Variants in KNL1 observed in about 807,000 individuals in gnomAD.
KNL1 encodes kinetochore scaffold 1, also known as outer kinetochore KNL1 complex subunit KNL1.
Under a neutral mutation model 201.3 loss-of-function variants are expected in KNL1, and 66 were observed. That is an observed-to-expected ratio of 0.33 (90% CI 0.27 to 0.40). The LOEUF (loss-of-function observed/expected upper bound fraction) is 0.40, where lower values mean the gene tolerates loss of function less well. Ranked by LOEUF, KNL1 falls within the 10% of genes least tolerant of loss-of-function variation. The pLI, the probability that KNL1 is intolerant of heterozygous loss-of-function variation, is 1.00. For missense variants in KNL1, 2,815 were observed against 2,690.5 expected, an observed-to-expected ratio of 1.05 and a Z score of -1.02; for synonymous variants, 895 against 899.2, an observed-to-expected ratio of 1.00 and a Z score of 0.08.
chr15:40,614,838 G>A (rs1370373817), intron 7 of KNL1, among the ~76,000 whole-genome samples: 1 of 152,112 alleles, frequency 6.6e-6, no homozygotes, highest in African/African-American at 2.4e-5. Context: ...TTTTAGAAAA[G>A]GAATTGCTTT....
Position 40,619,240 on chromosome 15 carries a change from G to A in KNL1, c.375+229G>A, listed in dbSNP as rs552039847. The stretch of plus-strand genomic sequence containing the variant: ...ACCTCTCAAAGTTTAAAGAGCACAT[G>A]AGTCTTTATTTCTATTTCCTTAGTG... On this transcript the variant is annotated intron_variant, in intron 9 of 25. Transcript: ENST00000399668. Among the ~76,000 whole-genome samples, 4 of 152,088 alleles carry A rather than the reference G, an allele frequency of 2.6e-5. No individual in the cohort carries two copies. In the South Asian group the frequency reaches 8.3e-4, roughly 32 times the overall value.
rs573778696 is a variant in KNL1, at chr15:40,621,169, A to C, written c.905A>C (p.Asn302Thr). 5.6e-6 allele frequency: 9 copies of C among 1,613,124 alleles called. No homozygotes were observed. Among genetic ancestry groups the C allele is most frequent in the Non-Finnish European group, 7.6e-6 (9 of 1,179,550 alleles). ...QTLIPTSSET[N>T]SRESKGNDIT... ...TTGATTCCCACATCCAGTGAGACCA[A>C]CTCACGGGAATCTAAAGGTAATGAT... The change falls in exon 10 of 26, where the codon AAC becomes ACC. Residue 302 changes from asparagine to threonine, a missense_variant. Transcript: ENST00000399668.
At chr15:40,609,454 C>A (rs1477067232) in intron 5 of KNL1, among the ~76,000 whole-genome samples, 3 of 151,890 alleles carry the variant, frequency 2.0e-5, no homozygotes, top group Non-Finnish European at 4.4e-5. Flanking sequence ...GTGAGTGATA[C>A]CTAATATTAG....
intron 10 of KNL1, 101 bp from the exon 11 acceptor site, chr15:40,627,969 A>G (rs1892801213): frequency 8.0e-6 from 6 of 752,682 alleles, no homozygotes; most frequent in African/African-American, 1.8e-5. Context: ...CATATGAATT[A>G]TAGATTAATT....
Position 40,622,525 on chromosome 15 carries a change from T to G in KNL1, c.2261T>G (p.Ile754Arg). 6.2e-7 allele frequency: 1 copy of G among 1,614,008 alleles called. No homozygotes were observed. The highest frequency in any genetic ancestry group is 1.1e-5 in the South Asian group (1 of 91,072). The change falls in exon 10 of 26, where the codon ATA becomes AGA. Residue 754 changes from isoleucine to arginine, a missense_variant. By Grantham distance (97) the Ile-to-Arg change is moderately conservative. Coordinates refer to ENST00000399668, the MANE Select transcript of KNL1 (RefSeq NM_144508.5). The stretch of plus-strand genomic sequence containing the variant: ...GACTATTGCCATGACAAGATGATTA[T>G]ATGTTCAGAGGAAGAGCAAAATATG... Reference protein sequence around the residue: ...TPDYCHDKMIICSEEEQNMDL... With the variant: ...TPDYCHDKMIRCSEEEQNMDL...
rs1432202564 is a variant in KNL1 at position 40,629,289 on chromosome 15, G to T, written c.5600G>T (p.Arg1867Ile). 3.2e-6 allele frequency: 5 copies of T among 1,584,246 alleles called. No individual in the cohort carries two copies. The African/African-American group carries it at 5.5e-5, about 17-fold the overall frequency. The change falls in exon 13 of 26, where the codon AGA (arginine) becomes ATA (isoleucine). Residue 1867 changes from arginine (R) to isoleucine (I), a missense_variant. Transcript: ENST00000399668. ...TTTTCTCAGAAACTCCAAGATGGGA[G>T]AATAACAATAAGGGAGTTCTTTATA... Reference protein sequence around the residue: ...ESLREKLQDGRITIREFFILL... With the variant: ...ESLREKLQDGIITIREFFILL...
chr15:40,615,574 C>T (rs935721235), intron 8 of KNL1, 196 bp downstream of exon 8: 4 of 222,498 alleles, frequency 1.8e-5, no homozygotes, highest in African/African-American at 9.4e-5. Flanking sequence ...CGAGACCATC[C>T]TGGCCAACAT....
chr15:40,622,496 A>G lies in KNL1; in HGVS notation c.2232A>G (p.Thr744=), dbSNP rs749908965. ...EPLRKSLSNP[T]PDYCHDKMII... Reference sequence around the variant, plus strand: ...TGAGGAAAAGTTTAAGCAATCCCACACCTGACTATTGCCATGACAAGATGA... The same window carrying G: ...TGAGGAAAAGTTTAAGCAATCCCACGCCTGACTATTGCCATGACAAGATGA... Residue 744 remains threonine (T), a synonymous_variant, in exon 10 of 26, where the codon ACA becomes ACG. Coordinates refer to ENST00000399668, the MANE Select transcript of KNL1 (RefSeq NM_144508.5). The G allele has an allele frequency of 6.2e-7, 1 of 1,614,006 alleles. No individual in the cohort carries two copies. Among genetic ancestry groups the G allele is most frequent in the South Asian group, 1.1e-5 (1 of 91,064 alleles).
intron 4 of KNL1, among the ~76,000 whole-genome samples, chr15:40,607,908 A>G (rs1892025385): frequency 6.6e-6 from 1 of 152,144 alleles, no homozygotes; most frequent in Non-Finnish European, 1.5e-5. Context: ...AAAAATTGAA[A>G]ATAGAATTGC....
At position 40,624,300 on chromosome 15, in the gene KNL1, G is replaced by C. The variant is rs1230075305; in HGVS notation, c.4036G>C (p.Ala1346Pro). 6.2e-7 allele frequency: 1 copy of C among 1,614,012 alleles called. No homozygotes were observed. Among genetic ancestry groups the C allele is most frequent in the Non-Finnish European group, 8.5e-7 (1 of 1,179,964 alleles). ...TGATCTTGCTTATGCAAATGATTTT[G>C]CCAGTGAATATTACTTGGAATCTGA... ...QNDLAYANDF[A>P]SEYYLESEGQ... Residue 1346 changes from alanine (A) to proline (P), a missense_variant, in exon 10 of 26, where the codon GCC becomes CCC. Coordinates refer to ENST00000399668, the MANE Select transcript of KNL1 (RefSeq NM_144508.5).
At chr15:40,658,859 G>A (rs572638588) in intron 24 of KNL1, among the ~76,000 whole-genome samples, 2 of 151,876 alleles carry the variant, frequency 1.3e-5, no homozygotes, top group South Asian at 4.2e-4. Context: ...GAACCTGGAA[G>A]GTGGAGGTTG....
chr15:40,648,577 A>G (rs1409345840), intron 17 of KNL1, among the ~76,000 whole-genome samples: 1 of 152,132 alleles, frequency 6.6e-6, no homozygotes, highest in Non-Finnish European at 1.5e-5. Flanking sequence ...CTCTCTTAAC[A>G]AGTCCTGTCA....
chr15:40,627,330 C>A (rs1420564608), intron 10 of KNL1, among the ~76,000 whole-genome samples: 1 of 152,066 alleles, frequency 6.6e-6, no homozygotes, highest in African/African-American at 2.4e-5. Context: ...CTGGCTAACA[C>A]GGTGAAACCC....
intron 24 of KNL1, among the ~76,000 whole-genome samples, chr15:40,658,717 G>A (rs989069484): frequency 1.3e-5 from 2 of 151,598 alleles, no homozygotes; most frequent in Admixed American, 1.3e-4. Flanking sequence ...ATCACTTGAG[G>A]TCAGGAGTTC....
At chr15:40,625,965 G>A (rs1261731726) in intron 10 of KNL1, 3 of 219,738 alleles carry the variant, frequency 1.4e-5, no homozygotes, top group Non-Finnish European at 2.7e-5. Flanking sequence ...TTGTCAATTT[G>A]GCTTTATATA....
intron 14 of KNL1, chr15:40,643,312 C>G (rs967554957): frequency 6.6e-6 from 1 of 152,010 alleles, no homozygotes; most frequent in Non-Finnish European, 1.5e-5. Context: ...TACAGGCACC[C>G]GCCACCATGC....
In KNL1 at chr15:40,621,005, A is replaced by G; in HGVS notation, c.741A>G (p.Glu247=). Reference sequence around the variant, plus strand: ...TTGAGATACCTATTTATTCCAAGGAACCGAACAGTGCCTCTTCTACACATC... The same window carrying G: ...TTGAGATACCTATTTATTCCAAGGAGCCGAACAGTGCCTCTTCTACACATC... The part of the protein sequence containing the change: ...ENFEIPIYSK[E]PNSASSTHQM... Residue 247 remains glutamate, a synonymous_variant, in exon 10 of 26, where the codon GAA becomes GAG. Coordinates refer to ENST00000399668, the MANE Select transcript of KNL1 (RefSeq NM_144508.5). The G allele has an allele frequency of 6.2e-7, 1 of 1,605,752 alleles. No individual in the cohort carries two copies. Among genetic ancestry groups the G allele is most frequent in the Non-Finnish European group, 8.5e-7 (1 of 1,177,296 alleles).
intron 1 of KNL1, among the ~76,000 whole-genome samples, chr15:40,601,987 GC>G (rs1341767575): frequency 7.0e-6 from 1 of 143,262 alleles, no homozygotes; most frequent in African/African-American, 2.6e-5. Context: ...GACTACAGGT[GC>G]ACGCCGCCAC....
At chr15:40,634,946 T>G (rs766172054) in intron 13 of KNL1, among the ~76,000 whole-genome samples, 7 of 152,244 alleles carry the variant, frequency 4.6e-5, no homozygotes, top group Admixed American at 1.3e-4. Flanking sequence ...TTCAGGGTAC[T>G]TCGGGAAAGA....
Sources: allele counts gnomAD v4.1 joint callset (sites outside exome capture counted in the v4.1 genomes callset), GRCh38; gene constraint gnomAD v4.1.1; transcripts MANE v1.5; gene names NCBI Gene and HGNC (gene_info 2026-07-23, HGNC 2026-07-21).